Variants in B3GLCT observed in about 807,000 individuals in gnomAD.
B3GLCT encodes the protein beta 3-glucosyltransferase.
A neutral mutation model predicts 63.4 loss-of-function variants in B3GLCT; 65 were observed. That is an observed-to-expected ratio of 1.03 (90% confidence interval 0.84 to 1.26). B3GLCT has a LOEUF of 1.26. Ranked by LOEUF, B3GLCT falls within the 50% of genes most tolerant of loss-of-function variation. B3GLCT has a pLI of 0.00. For missense variants in B3GLCT, 577 were observed against 604.8 expected, an observed-to-expected ratio of 0.95 and a Z score of 0.48; for synonymous variants, 233 against 219.2, an observed-to-expected ratio of 1.06 and a Z score of -0.55.
chr13:31,205,646 C>T (rs1868912469), intron 1 of B3GLCT, among the ~76,000 whole-genome samples: 1 of 152,132 alleles, frequency 6.6e-6, no homozygotes, highest in Non-Finnish European at 1.5e-5. Context: ...GCCTTAGCCT[C>T]CCAAGCAACT....
chr13:31,286,770 C>T lies in B3GLCT; in HGVS notation c.1015C>T (p.Gln339Ter), dbSNP rs200408982. 1.9e-6 allele frequency: 3 copies of T among 1,613,398 alleles called. No individual in the cohort carries two copies. The highest frequency in any genetic ancestry group is 3.3e-5 in the Admixed American group (2 of 59,982). ...TTTGGAAAGATTTCTGAATCGTAGCCAGGACAAAACAGCATGGTTAGTCAT... is the reference window on the plus strand; with the variant it reads ...TTTGGAAAGATTTCTGAATCGTAGCTAGGACAAAACAGCATGGTTAGTCAT... The part of the protein sequence containing the change: ...AILERFLNRS[Q>*]DKTAWLVIVD... Residue 339 changes from glutamine to a stop codon, truncating the protein, a stop_gained, in exon 12 of 15, where the codon CAG becomes TAG. Transcript: ENST00000343307. LOFTEE classifies it high-confidence loss of function.
At chr13:31,287,508 A>C (rs1300485882) in intron 12 of B3GLCT, among the ~76,000 whole-genome samples, 1 of 152,192 alleles carries the variant, frequency 6.6e-6, no homozygotes, top group Non-Finnish European at 1.5e-5. Flanking sequence ...AAATACAAGA[A>C]AATGAAACTG....
At chr13:31,320,753 C>T (rs2137941754) in intron 13 of B3GLCT, among the ~76,000 whole-genome samples, 1 of 152,302 alleles carries the variant, frequency 6.6e-6, no homozygotes, top group East Asian at 1.9e-4. Flanking sequence ...TCTTAAAGAA[C>T]TCTTGCTGAA....
At position 31,200,056 on chromosome 13, in the gene B3GLCT, AG is replaced by A; in HGVS notation, c.-27del. On this transcript the variant is annotated 5_prime_UTR_variant, in exon 1 of 15. Transcript: ENST00000343307. ...CCGCGCGTCTCCCTTCCCCGCGCCC[AG>A]GTAGGGCGCTCAGCCTCCGCCGCCA... 7.5e-7 allele frequency: 1 copy of A among 1,328,466 alleles called. No individual in the cohort carries two copies. Among genetic ancestry groups the A allele is most frequent in the South Asian group, 1.6e-5 (1 of 63,904 alleles). 82.3% of individuals were successfully genotyped at this position (1,328,466 alleles called of 1,614,324 possible). A position where few individuals can be genotyped will look rare whatever the true frequency, so the allele number is the denominator to read the frequency against.
chr13:31,325,019 A>G (rs1212911827), intron 14 of B3GLCT, among the ~76,000 whole-genome samples: 1 of 152,156 alleles, frequency 6.6e-6, no homozygotes, highest in Admixed American at 6.5e-5. Flanking sequence ...TGCTCTATTT[A>G]TTTGGTAACC....
chr13:31,323,606 G>GTTT (rs2137946727), intron 13 of B3GLCT, 145 bp from the exon 14 acceptor site: 1 of 897,934 alleles, frequency 1.1e-6, no homozygotes, highest in African/African-American at 1.6e-5. Flanking sequence ...AACAGGTAGG[G>GTTT]TTTTACCTAG....
chr13:31,282,590 T>C (rs1351216561), intron 10 of B3GLCT, among the ~76,000 whole-genome samples: 1 of 145,214 alleles, frequency 6.9e-6, no homozygotes, highest in Admixed American at 7.2e-5. Context: ...TGCAGTGAGC[T>C]GAGATCACAC....
chr13:31,212,700 C>T (rs756192888), intron 1 of B3GLCT, among the ~76,000 whole-genome samples: 1 of 152,182 alleles, frequency 6.6e-6, no homozygotes, highest in Non-Finnish European at 1.5e-5. Flanking sequence ...ATGTGAGCCA[C>T]CACGCTCAGT....
At chr13:31,248,061 C>T in intron 6 of B3GLCT, 95 bp downstream of exon 6, 1 of 715,162 alleles carries the variant, frequency 1.4e-6, no homozygotes, top group Non-Finnish European at 2.5e-6. Context: ...TAATAAAAAA[C>T]CACTTAGTTT....
intron 12 of B3GLCT, among the ~76,000 whole-genome samples, chr13:31,309,718 G>A (rs1194411468): frequency 6.6e-6 from 1 of 152,208 alleles, no homozygotes; most frequent in Non-Finnish European, 1.5e-5. Flanking sequence ...ATCTGCACAT[G>A]TTTAGCTATC....
rs1430726798 is a variant in B3GLCT, at chr13:31,200,023, T to C, written c.-62T>C. 4 of 1,114,980 alleles carry C rather than the reference T, an allele frequency of 3.6e-6. No homozygotes were observed. The highest frequency in any genetic ancestry group is 1.7e-5 in the African/African-American group (1 of 60,244). 69.1% of individuals were successfully genotyped at this position (1,114,980 alleles called of 1,614,324 possible). A position where few individuals can be genotyped will look rare whatever the true frequency, so the allele number is the denominator to read the frequency against. On this transcript the variant is annotated 5_prime_UTR_variant, in exon 1 of 15. Transcript: ENST00000343307. ...AGGGCGGCGGCGGCAGCGGCGCAGC[T>C]CCGCTCCCCGCGCGTCTCCCTTCCC...
Position 31,328,565 on chromosome 13 carries a change from T to C in B3GLCT, c.1330-936T>C, listed in dbSNP as rs558580312. 1.8e-3 allele frequency among the ~76,000 whole-genome samples: 267 copies of C among 151,976 alleles called. 2 individuals carry two copies. The highest frequency in any genetic ancestry group is 6.0e-3 in the African/African-American group (250 of 41,450). On this transcript the variant is annotated intron_variant, in intron 14 of 14. Transcript: ENST00000343307. ...AAAATTAGCCAGGCATGGTAGTGCA[T>C]GCCTGTAATCCCAGCTACTTGGGAG...
At chr13:31,242,219 G>A (rs945974574) in intron 4 of B3GLCT, among the ~76,000 whole-genome samples, 2 of 152,146 alleles carry the variant, frequency 1.3e-5, no homozygotes, top group Non-Finnish European at 2.9e-5. Flanking sequence ...CCCTCGTGCA[G>A]CAGAGCCATG....
intron 12 of B3GLCT, among the ~76,000 whole-genome samples, chr13:31,287,408 C>T (rs1385469792): frequency 1.3e-5 from 2 of 152,132 alleles, no homozygotes; most frequent in East Asian, 3.9e-4. Context: ...TTGAGAACAG[C>T]GTGTAAGAGG....
At chr13:31,268,579 A>T (rs562619199) in intron 7 of B3GLCT, among the ~76,000 whole-genome samples, 2 of 152,296 alleles carry the variant, frequency 1.3e-5, no homozygotes, top group Non-Finnish European at 2.9e-5. Flanking sequence ...AAGGTTGGGT[A>T]CAGGCACTCT....
chr13:31,269,178 T>G, intron 7 of B3GLCT, 36 bp from the exon 8 acceptor site: 1 of 1,461,412 alleles, frequency 6.8e-7, no homozygotes, highest in Non-Finnish European at 9.6e-7. Flanking sequence ...GACACTTCTT[T>G]TGGTTAAAAA....
In B3GLCT at chr13:31,308,689, G is replaced by A. The variant is rs543828010; in HGVS notation, c.1065-8877G>A. Among the ~76,000 whole-genome samples, 30 of 152,168 alleles carry A rather than the reference G, an allele frequency of 2.0e-4. No individual in the cohort carries two copies. The East Asian group carries it at 4.3e-3, about 22-fold the overall frequency. ...TATTCTCATAATCCATTTTTATAAA[G>A]GTTCCTCAAGAGGTGGATGATACAG... On this transcript the variant is annotated intron_variant, in intron 12 of 14. Coordinates refer to ENST00000343307, the MANE Select transcript of B3GLCT (RefSeq NM_194318.4).
intron 2 of B3GLCT, among the ~76,000 whole-genome samples, chr13:31,217,907 A>G (rs1869634267): frequency 6.6e-6 from 1 of 152,310 alleles, no homozygotes; most frequent in South Asian, 2.1e-4. Flanking sequence ...TGCTTTGGCT[A>G]CTTGGGCTCT....
chr13:31,311,770 A>G (rs9544399), intron 12 of B3GLCT: 32,676 of 152,100 alleles, frequency 0.21, 3,517 homozygotes, highest in Non-Finnish European at 0.22. Flanking sequence ...AAAAGCCATG[A>G]GCTACATGGA....
Sources: gnomAD v4.1 joint callset for allele counts (sites outside exome capture counted in the v4.1 genomes callset) on GRCh38, gnomAD v4.1.1 for gene constraint, MANE v1.5 for transcripts, NCBI Gene and HGNC (gene_info 2026-07-23, HGNC 2026-07-21) for gene names.